COL4A1: variants seen among roughly 807,000 people sequenced by gnomAD.
The protein encoded by COL4A1 is collagen type IV alpha 1 chain, also known as collagen alpha-1(IV) chain.
In COL4A1, 40 loss-of-function variants were observed where a neutral mutation model predicts 216.6. The observed-to-expected ratio is 0.18, with a 90% CI of 0.14 to 0.24. The LOEUF is 0.24. Among genes scored for constraint, COL4A1 ranks in the 10% least tolerant of loss-of-function variants. The probability of loss-of-function intolerance (pLI) is 1.00; values close to 1 mark genes in which losing one functional copy is unlikely to be tolerated. For missense variants in COL4A1, 1,628 were observed against 2,196.8 expected, an observed-to-expected ratio of 0.74 and a Z score of 5.18; for synonymous variants, 839 against 810.7, an observed-to-expected ratio of 1.03 and a Z score of -0.59.
Position 110,166,293 on chromosome 13 carries a change from A to G in COL4A1, c.3960T>C (p.Gly1320=), listed in dbSNP as rs1877333742. The G allele has an allele frequency of 6.2e-7, 1 of 1,608,812 alleles. No homozygotes were observed. Among genetic ancestry groups the G allele is most frequent in the Non-Finnish European group, 8.5e-7 (1 of 1,175,310 alleles). The change falls in exon 45 of 52, where the codon GGT becomes GGC. Residue 1320 remains glycine, a synonymous_variant. Transcript: ENST00000375820. The part of the protein sequence containing the change: ...PGVPGFQGPK[G]LPGLQGIKGD... ...CTTTAATTCCCTGGAGGCCAGGAAG[A>G]CCTTTTGGACCTAAAAGCAGAGGGA...
chr13:110,208,925 T>C, intron 11 of COL4A1, 35 bp from the exon 12 acceptor site: 4 of 1,606,252 alleles, frequency 2.5e-6, no homozygotes, highest in Non-Finnish European at 3.4e-6. Flanking sequence ...ATTATTAGAT[T>C]TGTCTACTTC....
intron 1 of COL4A1, among the ~76,000 whole-genome samples, chr13:110,251,772 C>A (rs1882084631): frequency 6.6e-6 from 1 of 152,222 alleles, no homozygotes; most frequent in Admixed American, 6.5e-5. Flanking sequence ...ACAGCACATT[C>A]CTGAGGCAGA....
chr13:110,299,713 C>A (rs937479858), intron 1 of COL4A1, among the ~76,000 whole-genome samples: 1 of 152,200 alleles, frequency 6.6e-6, no homozygotes, highest in Non-Finnish European at 1.5e-5. Flanking sequence ...GTCGTGTGCA[C>A]GTCTGACCCG....
chr13:110,171,239 T>C (rs1274641402), intron 41 of COL4A1, among the ~76,000 whole-genome samples: 1 of 152,182 alleles, frequency 6.6e-6, no homozygotes, highest in Non-Finnish European at 1.5e-5. Flanking sequence ...TGGTTTTATT[T>C]TTGTAAACTG....
chr13:110,196,094 T>G (rs1011507413), intron 21 of COL4A1, among the ~76,000 whole-genome samples: 10 of 152,248 alleles, frequency 6.6e-5, no homozygotes, highest in African/African-American at 2.4e-4. Flanking sequence ...ACACCTTGTT[T>G]GATGACTTGG....
chr13:110,287,402 T>C (rs1016532695), intron 1 of COL4A1, among the ~76,000 whole-genome samples: 1 of 152,160 alleles, frequency 6.6e-6, no homozygotes, highest in Non-Finnish European at 1.5e-5. Context: ...CCACAAAGGA[T>C]CCAGTCCTAT....
chr13:110,269,919 G>A lies in COL4A1; in HGVS notation c.85-27185C>T, dbSNP rs751890521. Among the ~76,000 whole-genome samples the A allele has an allele frequency of 4.6e-5, 7 of 152,112 alleles. No homozygotes were observed. In the South Asian group the frequency reaches 1.2e-3, roughly 27 times the overall value. On this transcript the variant is annotated intron_variant, in intron 1 of 51. Transcript: ENST00000375820. ...AGGGTGAAATGTCAGCAGGAGGCTG[G>A]CACTGCGAGACCAGAAACACATACC...
rs374115295 is a variant in COL4A1 at position 110,213,917 on chromosome 13, C to A, written c.234+9G>T. The A allele has an allele frequency of 1.2e-6, 2 of 1,613,880 alleles. No individual in the cohort carries two copies. Among genetic ancestry groups the A allele is most frequent in the Admixed American group, 1.7e-5 (1 of 59,992 alleles). ...ATCCACCCACCCCCAATCCCACAGC[C>A]GTGCTTACCTTTTGTCCTGGTGGTC... On this transcript the variant is annotated intron_variant, in intron 3 of 51. Transcript: ENST00000375820.
intron 2 of COL4A1, among the ~76,000 whole-genome samples, chr13:110,236,628 C>T (rs1344461530): frequency 2.0e-5 from 3 of 152,104 alleles, no homozygotes; most frequent in Non-Finnish European, 4.4e-5. Context: ...TGGGTAATCG[C>T]GGAGACACAG....
At chr13:110,259,037 C>T (rs1032709664) in intron 1 of COL4A1, among the ~76,000 whole-genome samples, 3 of 152,234 alleles carry the variant, frequency 2.0e-5, no homozygotes, top group African/African-American at 4.8e-5. Flanking sequence ...TCAGATGACA[C>T]GGGGCCGCCC....
intron 1 of COL4A1, among the ~76,000 whole-genome samples, chr13:110,288,237 C>T (rs544722989): frequency 1.3e-5 from 2 of 149,256 alleles, no homozygotes; most frequent in Non-Finnish European, 3.0e-5. Flanking sequence ...GCACTCCAGC[C>T]TGAAACAAGA....
chr13:110,182,054 C>A (rs537061308), intron 28 of COL4A1, among the ~76,000 whole-genome samples: 1 of 152,338 alleles, frequency 6.6e-6, no homozygotes, highest in African/African-American at 2.4e-5. Flanking sequence ...CCAAGCAACT[C>A]CATGTCACAT....
Position 110,174,437 on chromosome 13 carries a change from G to A in COL4A1, c.3406+9C>T. 1 of 1,613,334 alleles carries A rather than the reference G, an allele frequency of 6.2e-7. No individual in the cohort carries two copies. Among genetic ancestry groups the A allele is most frequent in the South Asian group, 1.1e-5 (1 of 91,040 alleles). On this transcript the variant is annotated intron_variant, in intron 39 of 51. Transcript: ENST00000375820. ...GTGCCCGGGCTGTGTCCCAAAGAGG[G>A]CCCTCTACCTGCTTCTCCTTTGACA...
intron 11 of COL4A1, 105 bp downstream of exon 11, chr13:110,209,287 T>C: frequency 9.8e-7 from 1 of 1,022,472 alleles, no homozygotes; most frequent in Admixed American, 2.2e-5. Context: ...GTGTTAATTT[T>C]CCAACTTTTT....
intron 1 of COL4A1, chr13:110,265,222 C>A (rs1370729506): frequency 6.6e-6 from 1 of 152,204 alleles, no homozygotes; most frequent in East Asian, 1.9e-4. Flanking sequence ...TAGAAAATCA[C>A]AGAAAGAGGA....
At chr13:110,256,079 G>A (rs1882550858) in intron 1 of COL4A1, among the ~76,000 whole-genome samples, 1 of 152,042 alleles carries the variant, frequency 6.6e-6, no homozygotes, top group South Asian at 2.1e-4. Flanking sequence ...TATATCTCAT[G>A]TTCTTCTTAT....
chr13:110,285,700 T>C (rs1411747476), intron 1 of COL4A1, among the ~76,000 whole-genome samples: 2 of 151,666 alleles, frequency 1.3e-5, no homozygotes, highest in African/African-American at 2.4e-5. Context: ...CAGAAGGAGG[T>C]TGTATTAGCG....
intron 1 of COL4A1, among the ~76,000 whole-genome samples, chr13:110,248,417 G>C (rs1284685166): frequency 6.6e-6 from 1 of 152,228 alleles, no homozygotes; most frequent in East Asian, 1.9e-4. Context: ...TCCACTCCCA[G>C]GGATAAGCCC....
Position 110,186,510 on chromosome 13 carries a change from A to C in COL4A1, c.1772T>G (p.Val591Gly). 6.2e-7 allele frequency: 1 copy of C among 1,613,606 alleles called. No individual in the cohort carries two copies. Among genetic ancestry groups the C allele is most frequent in the South Asian group, 1.1e-5 (1 of 91,058 alleles). The change falls in exon 26 of 52, where the codon GTT becomes GGT. Residue 591 changes from valine to glycine, a missense_variant. By Grantham distance (109) the Val-to-Gly change is moderately radical. Coordinates refer to ENST00000375820, the MANE Select transcript of COL4A1 (RefSeq NM_001845.6). ...GTCACCACGACTGCCTGGGAATCCA[A>C]CTCCTCCAGGGGGGCCACGCTCTCC... ...LKGERGPPGGVGFPGSRGDTG... is the reference protein window; with the variant it reads ...LKGERGPPGGGGFPGSRGDTG...
Sources: allele counts gnomAD v4.1 joint callset (sites outside exome capture counted in the v4.1 genomes callset), GRCh38; gene constraint gnomAD v4.1.1; transcripts MANE v1.5; gene names NCBI Gene and HGNC (gene_info 2026-07-23, HGNC 2026-07-21).